Variants in OR2L13 observed in about 807,000 individuals in gnomAD.
OR2L13 encodes the protein olfactory receptor family 2 subfamily L member 13.
In OR2L13, 14 loss-of-function variants were observed where a neutral mutation model predicts 15.3. That is an observed-to-expected ratio of 0.91 (90% CI 0.60 to 1.43). OR2L13 has a LOEUF of 1.43. OR2L13 is among the 40% of genes most tolerant of loss of function. OR2L13 has a pLI of 0.00. For missense variants in OR2L13, 367 were observed against 387.9 expected, an observed-to-expected ratio of 0.95 and a Z score of 0.45; for synonymous variants, 152 against 142.9, an observed-to-expected ratio of 1.06 and a Z score of -0.45.
At chr1:248,070,644 A>C in the OR2L13 span, among the ~76,000 whole-genome samples, 1 of 152,190 alleles carries the variant, frequency 6.6e-6, no homozygotes, top group African/African-American at 2.4e-5. Flanking sequence ...ACTGAAGGAA[A>C]TAGAGACACA....
chr1:247,956,684 G>T, the OR2L13 span, among the ~76,000 whole-genome samples: 1 of 151,698 alleles, frequency 6.6e-6, no homozygotes, highest in Non-Finnish European at 1.5e-5. Context: ...GGATTCCTAA[G>T]TATTTTATTC....
At chr1:248,067,851 C>T in the OR2L13 span, among the ~76,000 whole-genome samples, 3 of 152,062 alleles carry the variant, frequency 2.0e-5, no homozygotes, top group African/African-American at 7.3e-5. Flanking sequence ...ATATCCCACA[C>T]CTGGCTCGGA....
chr1:247,970,680 A>G, the OR2L13 span, among the ~76,000 whole-genome samples: 1 of 152,226 alleles, frequency 6.6e-6, no homozygotes, highest in Non-Finnish European at 1.5e-5. Flanking sequence ...CATATTATAA[A>G]GAAACACATA....
chr1:248,030,261 AT>A, the OR2L13 span: 1 of 152,180 alleles, frequency 6.6e-6, no homozygotes, highest in Non-Finnish European at 1.5e-5. Flanking sequence ...GTATTTTTAA[AT>A]TTTTATTGAT....
the OR2L13 span, among the ~76,000 whole-genome samples, chr1:248,026,765 C>G: frequency 6.6e-6 from 1 of 151,010 alleles, no homozygotes; most frequent in Admixed American, 6.6e-5. Context: ...GGACACTTAT[C>G]ACTTCCCCAA....
At chr1:247,978,589 A>T in the OR2L13 span, among the ~76,000 whole-genome samples, 473 of 152,358 alleles carry the variant, frequency 3.1e-3, 3 homozygotes, top group Non-Finnish European at 5.7e-3. Context: ...ACATTAAAAA[A>T]TTTAAAATAA....
chr1:247,948,659 C>T, the OR2L13 span, among the ~76,000 whole-genome samples: 1 of 152,110 alleles, frequency 6.6e-6, no homozygotes, highest in Non-Finnish European at 1.5e-5. Flanking sequence ...TTGTTAATCT[C>T]TTACTTGTCT....
chr1:248,099,690 C>A (rs1376168781), exon 3 of OR2L13: 16 of 1,614,134 alleles, frequency 9.9e-6, no homozygotes, highest in Non-Finnish European at 1.3e-5. Context: ...TCTTCCTGAC[C>A]ATGGCGTGTT....
the OR2L13 span, among the ~76,000 whole-genome samples, chr1:247,995,249 A>G: frequency 6.9e-4 from 105 of 152,162 alleles, no homozygotes; most frequent in Non-Finnish European, 5.9e-5. Context: ...GTTAAACTCT[A>G]TCTTTCCCTT....
the OR2L13 span, among the ~76,000 whole-genome samples, chr1:248,080,985 C>G: frequency 6.6e-6 from 1 of 152,186 alleles, no homozygotes; most frequent in East Asian, 1.9e-4. Flanking sequence ...TATAATCTGT[C>G]TCTATCAGGT....
chr1:248,049,106 G>A, the OR2L13 span, among the ~76,000 whole-genome samples: 3 of 152,120 alleles, frequency 2.0e-5, no homozygotes, highest in African/African-American at 7.2e-5. Context: ...GCAGTATCTG[G>A]ACTCAAGACG....
At chr1:247,986,064 G>T in the OR2L13 span, among the ~76,000 whole-genome samples, 1 of 152,130 alleles carries the variant, frequency 6.6e-6, no homozygotes, top group African/African-American at 2.4e-5. Context: ...TAAGTTGCCT[G>T]TTCACTCTGA....
At chr1:248,039,234 G>T in the OR2L13 span, 2 of 1,574,930 alleles carry the variant, frequency 1.3e-6, no homozygotes, top group East Asian at 2.2e-5. Flanking sequence ...GAGTCAAAGC[G>T]CTAGGTTCAT....
chr1:247,967,001 C>G, the OR2L13 span, among the ~76,000 whole-genome samples: 1 of 149,312 alleles, frequency 6.7e-6, no homozygotes, highest in African/African-American at 2.5e-5. Flanking sequence ...GACTCTTTTC[C>G]TTCTGCACCG....
At chr1:248,100,009 G>C (rs1664822919) in exon 3 of OR2L13, 1 of 1,614,024 alleles carries the variant, frequency 6.2e-7, no homozygotes, top group East Asian at 2.2e-5. Flanking sequence ...CCCTTTCATT[G>C]GCATCACTTC....
At chr1:247,958,195 A>G in the OR2L13 span, among the ~76,000 whole-genome samples, 6 of 152,012 alleles carry the variant, frequency 3.9e-5, no homozygotes, top group African/African-American at 1.5e-4. Context: ...TCATTTCGTT[A>G]TGTACCCAGT....
At chr1:248,024,492 T>G in the OR2L13 span, among the ~76,000 whole-genome samples, 1 of 152,232 alleles carries the variant, frequency 6.6e-6, no homozygotes, top group Admixed American at 6.5e-5. Flanking sequence ...GTGTATCCAT[T>G]AAAAATCATT....
chr1:247,963,736 A>T, the OR2L13 span, among the ~76,000 whole-genome samples: 2 of 152,180 alleles, frequency 1.3e-5, no homozygotes, highest in Non-Finnish European at 2.9e-5. Flanking sequence ...TGCATTCCTC[A>T]TATATGTCCT....
At chr1:248,012,301 G>A in the OR2L13 span, among the ~76,000 whole-genome samples, 2 of 152,102 alleles carry the variant, frequency 1.3e-5, no homozygotes, top group Non-Finnish European at 2.9e-5. Context: ...CAATCCTGGT[G>A]GTCCCCTGAA....
Sources: allele counts gnomAD v4.1 joint callset (sites outside exome capture counted in the v4.1 genomes callset), GRCh38; gene constraint gnomAD v4.1.1; transcripts MANE v1.5; gene names NCBI Gene and HGNC (gene_info 2026-07-23, HGNC 2026-07-21).